Variants in SYCP3 observed in about 807,000 individuals in gnomAD.
SYCP3 encodes synaptonemal complex protein 3.
A neutral mutation model predicts 38.5 loss-of-function variants in SYCP3; 29 were observed. That is an observed-to-expected ratio of 0.75 (90% CI 0.56 to 1.03). The LOEUF (loss-of-function observed/expected upper bound fraction) is 1.03. Among genes scored for constraint, SYCP3 ranks in the 50% least tolerant of loss-of-function variants. The pLI is 0.00. For missense variants in SYCP3, 242 were observed against 270.7 expected, an observed-to-expected ratio of 0.89 and a Z score of 0.74; for synonymous variants, 79 against 80.3, an observed-to-expected ratio of 0.98 and a Z score of 0.08.
intron 4 of SYCP3, among the ~76,000 whole-genome samples, 195 bp from the exon 5 acceptor site, chr12:101,735,239 A>C (rs886608267): frequency 1.3e-5 from 2 of 152,212 alleles, no homozygotes; most frequent in Non-Finnish European, 2.9e-5. Context: ...CTCAGCTACT[A>C]GCACCCAAAT....
At chr12:101,737,689 G>A (rs1021434265) in intron 2 of SYCP3, 114 bp downstream of exon 2, 4 of 1,441,662 alleles carry the variant, frequency 2.8e-6, no homozygotes, top group African/African-American at 2.8e-5. Context: ...CAAATACCGG[G>A]GGAGGGAAGA....
chr12:101,733,507 A>C, intron 6 of SYCP3, 68 bp downstream of exon 6: 1 of 1,403,816 alleles, frequency 7.1e-7, no homozygotes, highest in African/African-American at 1.4e-5. Flanking sequence ...CACTGGTCAC[A>C]ATAAAAGGCT....
At chr12:101,737,369 GAA>G in intron 2 of SYCP3, 71 bp from the exon 3 acceptor site, 1 of 1,356,598 alleles carries the variant, frequency 7.4e-7, no homozygotes, top group African/African-American at 1.5e-5. Context: ...AAATTTTAAT[GAA>G]ACATCTTCAT....
chr12:101,735,691 A>G (rs1952382283), intron 4 of SYCP3, among the ~76,000 whole-genome samples: 1 of 151,456 alleles, frequency 6.6e-6, no homozygotes, highest in Non-Finnish European at 1.5e-5. Context: ...AAAAGGCTAA[A>G]TTTATCTAAA....
chr12:101,739,144 A>T, intron 1 of SYCP3: 2 of 693,410 alleles, frequency 2.9e-6, no homozygotes, highest in Non-Finnish European at 3.6e-6. Context: ...AAGTGGTCCC[A>T]GGGTGTAGCG....
At chr12:101,731,106 T>G (rs1457811166) in intron 7 of SYCP3, among the ~76,000 whole-genome samples, 1 of 152,234 alleles carries the variant, frequency 6.6e-6, no homozygotes, top group Non-Finnish European at 1.5e-5. Context: ...AATTCATTTT[T>G]GGTCACTGTA....
At chr12:101,735,101 C>T in intron 4 of SYCP3, 57 bp from the exon 5 acceptor site, 1 of 1,219,640 alleles carries the variant, frequency 8.2e-7, no homozygotes, top group Non-Finnish European at 1.2e-6. Context: ...ATTTTGTTCC[C>T]ACATATTCAA....
At chr12:101,739,234 C>T (rs1952613786) in intron 1 of SYCP3, 117 bp downstream of exon 1, 14 of 992,922 alleles carry the variant, frequency 1.4e-5, no homozygotes, top group Non-Finnish European at 1.7e-5. Flanking sequence ...AGGTTCGCGG[C>T]CTCCGTTTTC....
intron 6 of SYCP3, 168 bp from the exon 7 acceptor site, chr12:101,731,834 A>G (rs1340199955): frequency 4.1e-6 from 2 of 482,520 alleles, no homozygotes; most frequent in Non-Finnish European, 7.3e-6. Flanking sequence ...CACCACTAAT[A>G]TGTAACAATA....
intron 4 of SYCP3, among the ~76,000 whole-genome samples, chr12:101,736,137 A>C (rs1027475094): frequency 5.3e-5 from 8 of 152,012 alleles, no homozygotes; most frequent in Admixed American, 3.3e-4. Flanking sequence ...GAATAAGATC[A>C]GTTTTAAATG....
At chr12:101,739,244 C>T (rs1952614285) in intron 1 of SYCP3, 107 bp downstream of exon 1, 1 of 994,630 alleles carries the variant, frequency 1.0e-6, no homozygotes, top group South Asian at 4.7e-5. Context: ...CCTCCGTTTT[C>T]TCGTCAGAGG....
intron 7 of SYCP3, 21 bp downstream of exon 7, chr12:101,731,547 G>A: frequency 3.4e-6 from 5 of 1,477,834 alleles, no homozygotes; most frequent in Non-Finnish European, 4.7e-6. Context: ...ACGATGTATT[G>A]TGTTACCACA....
chr12:101,733,767 G>A lies in SYCP3; in HGVS notation c.354-93C>T, dbSNP rs2137060706. On this transcript the variant is annotated intron_variant, in intron 5 of 8. Coordinates refer to ENST00000392924, the MANE Select transcript of SYCP3 (RefSeq NM_001177949.2). ...GAGTTGACACAGTTATACTATATAAGAAAAGGAAATACCTGCAGCTTAAGT... is the reference window on the plus strand; with the variant it reads ...GAGTTGACACAGTTATACTATATAAAAAAAGGAAATACCTGCAGCTTAAGT... The A allele has an allele frequency of 4.2e-6, 5 of 1,178,438 alleles. No homozygotes were observed. In the East Asian group the frequency reaches 1.3e-4, roughly 30 times the overall value. 73.0% of individuals were successfully genotyped at this position (1,178,438 alleles called of 1,614,324 possible).
At chr12:101,734,071 G>A (rs1199792485) in intron 5 of SYCP3, among the ~76,000 whole-genome samples, 2 of 151,952 alleles carry the variant, frequency 1.3e-5, no homozygotes, top group African/African-American at 2.4e-5. Context: ...GAAATAGTTC[G>A]CTTAATTTTT....
In SYCP3 at chr12:101,738,017, G is replaced by T. The variant is rs185392608; in HGVS notation, c.-17-65C>A. 1,102 of 1,563,304 alleles carry T rather than the reference G, an allele frequency of 7.0e-4. 10 individuals carry two copies. In the African/African-American group the frequency reaches 0.013, roughly 19 times the overall value. On this transcript the variant is annotated intron_variant, in intron 1 of 8. Transcript: ENST00000392924. The stretch of plus-strand genomic sequence containing the variant: ...ACATCATTTTAATACACTGGTAAAA[G>T]TTTAAATATCAAAGGAGATATCGAA...
At chr12:101,739,205 T>G in intron 1 of SYCP3, 146 bp downstream of exon 1, 1 of 573,138 alleles carries the variant, frequency 1.7e-6, no homozygotes, top group Non-Finnish European at 2.2e-6. Context: ...GGCCCTATCC[T>G]GCTCAAGGCC....
At position 101,737,231 on chromosome 12, in the gene SYCP3, C is replaced by T. The variant is rs767725472; in HGVS notation, c.200+1G>A. ...AACAAAAATTATTTTGAACACGTTA[C>T]CCCATATCTTCAACTACTCCTGCAG... On this transcript the variant is annotated splice_donor_variant, in intron 3 of 8. Transcript: ENST00000392924. LOFTEE classifies it high-confidence loss of function. The T allele has an allele frequency of 1.2e-6, 2 of 1,612,856 alleles. No homozygotes were observed. Among genetic ancestry groups the T allele is most frequent in the Non-Finnish European group, 1.7e-6 (2 of 1,179,508 alleles).
intron 1 of SYCP3, among the ~76,000 whole-genome samples, chr12:101,739,012 CAGA>C (rs750472706): frequency 1.2e-4 from 18 of 152,234 alleles, no homozygotes; most frequent in Non-Finnish European, 2.4e-4. Context: ...TGAACACAGG[CAGA>C]AGATTTCGAC....
At chr12:101,738,253 G>A (rs577475666) in intron 1 of SYCP3, among the ~76,000 whole-genome samples, 23 of 150,128 alleles carry the variant, frequency 1.5e-4, no homozygotes, top group Middle Eastern at 3.4e-3. Flanking sequence ...ATGAAACCCC[G>A]TCTCTACTGA....
Sources: gnomAD v4.1 joint callset for allele counts (sites outside exome capture counted in the v4.1 genomes callset) on GRCh38, gnomAD v4.1.1 for gene constraint, MANE v1.5 for transcripts, NCBI Gene and HGNC (gene_info 2026-07-23, HGNC 2026-07-21) for gene names.